CDC42BPA: variants seen among roughly 807,000 people sequenced by gnomAD.
CDC42BPA encodes serine/threonine-protein kinase MRCK alpha.
In CDC42BPA, 80 loss-of-function variants were observed where a neutral mutation model predicts 223.5. The observed-to-expected ratio is 0.36, with a 90% CI of 0.30 to 0.43. The LOEUF is 0.43. CDC42BPA is among the 20% of genes least tolerant of loss of function. The pLI is 1.00. For missense variants in CDC42BPA, 1,743 were observed against 2,099.9 expected, an observed-to-expected ratio of 0.83 and a Z score of 3.32; for synonymous variants, 694 against 718.6, an observed-to-expected ratio of 0.97 and a Z score of 0.55.
At position 227,317,020 on chromosome 1, in the gene CDC42BPA, C is replaced by G; in HGVS notation, c.163G>C (p.Glu55Gln). Residue 55 changes from glutamate to glutamine, a missense_variant, in exon 1 of 37, where the codon GAA (glutamate) becomes CAA (glutamine). Glu to Gln is a conservative substitution (Grantham distance 29). Around this residue, in one of 6 missense-constraint regions of CDC42BPA, gnomAD observed 321 missense variants for 488.7 expected, o/e 0.66. Coordinates refer to ENST00000366766, the MANE Select transcript of CDC42BPA (RefSeq NM_001394014.1). ...ACAAACTTACCCCATTCTAGGTATTCGAGAATGTTCTTCTCTCTTCTCAAT... is the reference window on the plus strand; with the variant it reads ...ACAAACTTACCCCATTCTAGGTATTGGAGAATGTTCTTCTCTCTTCTCAAT... ...SPLRREKNIL[E>Q]YLEWAKPFTS... 6.2e-7 allele frequency: 1 copy of G among 1,612,888 alleles called. No homozygotes were observed. The highest frequency in any genetic ancestry group is 8.5e-7 in the Non-Finnish European group (1 of 1,179,102).
intron 21 of CDC42BPA, among the ~76,000 whole-genome samples, chr1:227,052,401 T>G (rs964687039): frequency 6.6e-6 from 1 of 152,224 alleles, no homozygotes; most frequent in African/African-American, 2.4e-5. Context: ...TTTGGTCTTT[T>G]ACTACTCATT....
chr1:227,129,330 T>C, intron 10 of CDC42BPA, 99 bp from the exon 11 acceptor site: 1 of 918,144 alleles, frequency 1.1e-6, no homozygotes, highest in Non-Finnish European at 1.6e-6. Flanking sequence ...TATACAATTT[T>C]ATAGAACAAA....
intron 4 of CDC42BPA, among the ~76,000 whole-genome samples, chr1:227,194,230 G>A (rs545930790): frequency 1.3e-4 from 20 of 152,136 alleles, no homozygotes; most frequent in Non-Finnish European, 2.1e-4. Context: ...CTACAACAAT[G>A]GAACACAGCT....
intron 16 of CDC42BPA, among the ~76,000 whole-genome samples, chr1:227,083,839 A>G (rs1329134927): frequency 6.6e-6 from 1 of 152,202 alleles, no homozygotes; most frequent in Non-Finnish European, 1.5e-5. Context: ...AATGGGTTCA[A>G]CTGAAAGTTT....
At chr1:227,043,254 A>C (rs1445940741) in intron 23 of CDC42BPA, among the ~76,000 whole-genome samples, 1 of 152,088 alleles carries the variant, frequency 6.6e-6, no homozygotes, top group African/African-American at 2.4e-5. Flanking sequence ...CTCTATTAAA[A>C]ATACAAAAAT....
At chr1:227,168,497 G>GTGGTTTTTTTTT (rs1302291274) in intron 5 of CDC42BPA, among the ~76,000 whole-genome samples, 1 of 80,196 alleles carries the variant, frequency 1.2e-5, no homozygotes, top group Non-Finnish European at 2.4e-5. Context: ...CTTCCCTGGT[G>GTGGTTTTTTTTT]TTTTTTTTTT....
intron 23 of CDC42BPA, among the ~76,000 whole-genome samples, chr1:227,047,148 T>A (rs1672613375): frequency 6.6e-6 from 1 of 152,136 alleles, no homozygotes; most frequent in South Asian, 2.1e-4. Flanking sequence ...ATTAAAGTCA[T>A]CTATTTAGTT....
chr1:227,252,758 C>T (rs1682245767), intron 2 of CDC42BPA, among the ~76,000 whole-genome samples: 1 of 108,456 alleles, frequency 9.2e-6, no homozygotes, highest in Non-Finnish European at 2.0e-5. Flanking sequence ...CAGCATAATT[C>T]AACACATTAA....
chr1:227,256,799 T>C (rs1683106409), intron 1 of CDC42BPA, among the ~76,000 whole-genome samples: 1 of 152,096 alleles, frequency 6.6e-6, no homozygotes, highest in Non-Finnish European at 1.5e-5. Flanking sequence ...TCCATTCCTA[T>C]GTACCCAAGA....
intron 2 of CDC42BPA, among the ~76,000 whole-genome samples, chr1:227,242,588 A>C (rs1680207241): frequency 1.3e-5 from 2 of 152,144 alleles, no homozygotes; most frequent in Admixed American, 1.3e-4. Flanking sequence ...AGCCAATTGT[A>C]TTTCTACCAC....
chr1:227,016,245 T>G, intron 33 of CDC42BPA, 48 bp from the exon 34 acceptor site: 1 of 964,186 alleles, frequency 1.0e-6, no homozygotes, highest in Non-Finnish European at 1.7e-6. Flanking sequence ...AGTTAATTTA[T>G]GTAGCTTATG....
At chr1:226,999,534 AGTGTG>A (rs1200201918) in intron 35 of CDC42BPA, among the ~76,000 whole-genome samples, 2 of 152,218 alleles carry the variant, frequency 1.3e-5, no homozygotes, top group African/African-American at 4.8e-5. Context: ...TGTGGAAGAC[AGTGTG>A]GCGATTCCTC....
At chr1:227,173,866 A>G (rs1666512395) in intron 5 of CDC42BPA, among the ~76,000 whole-genome samples, 1 of 152,138 alleles carries the variant, frequency 6.6e-6, no homozygotes, top group African/African-American at 2.4e-5. Context: ...AATTATCAAA[A>G]CTAAGAGGTG....
At chr1:227,121,113 G>A (rs11586575) in intron 11 of CDC42BPA, among the ~76,000 whole-genome samples, 21,345 of 152,098 alleles carry the variant, frequency 0.14, 1,881 homozygotes, top group South Asian at 0.34. Context: ...CCAGTTTGTC[G>A]CCCGAGAATT....
rs1010294112 is a variant in CDC42BPA, at chr1:226,994,697, G to A, written c.5133+126C>T. 16 of 1,011,796 alleles carry A rather than the reference G, an allele frequency of 1.6e-5. No homozygotes were observed. The highest frequency in any genetic ancestry group is 9.4e-5 in the Admixed American group (4 of 42,534). The allele number at this position is 1,011,796 out of a possible 1,614,324, so 62.7% of individuals were successfully genotyped here. On this transcript the variant is annotated intron_variant, in intron 36 of 36. Transcript: ENST00000366766. This position sits in a 1 kb window ranked among gnomAD's most constrained non-coding sequence, Gnocchi z 4.0. ...ACTGGCCTAGCTGCCCGCTGGCCAA[G>A]AGTGAATGCTGGCCCCTGACCCCGA...
At chr1:227,106,062 T>C (rs1031993636) in intron 14 of CDC42BPA, among the ~76,000 whole-genome samples, 3 of 152,216 alleles carry the variant, frequency 2.0e-5, no homozygotes, top group Non-Finnish European at 2.9e-5. Flanking sequence ...TTTAGCAACA[T>C]ATAAGGGTTC....
At chr1:227,315,578 TA>T (rs10635986) in intron 1 of CDC42BPA, among the ~76,000 whole-genome samples, 11 of 148,512 alleles carry the variant, frequency 7.4e-5, no homozygotes, top group South Asian at 2.1e-4. Flanking sequence ...CTTTAAGTCT[TA>T]AAAAAAAAAA....
intron 16 of CDC42BPA, among the ~76,000 whole-genome samples, chr1:227,083,732 T>C (rs1440977425): frequency 6.6e-6 from 1 of 152,108 alleles, no homozygotes; most frequent in Non-Finnish European, 1.5e-5. Context: ...GCAATCAGAG[T>C]AAAGATAGAT....
In CDC42BPA at chr1:227,277,495, T is replaced by C. The variant is rs182014194; in HGVS notation, c.179-23340A>G. Among the ~76,000 whole-genome samples, 7 of 152,296 alleles carry C rather than the reference T, an allele frequency of 4.6e-5. No homozygotes were observed. In the East Asian group the frequency reaches 1.2e-3, roughly 25 times the overall value. ...TCTCTGGCAAACATAATCCAAAAAATATCCTAATCAAAGCATTAGTAAATC... is the reference window on the plus strand; with the variant it reads ...TCTCTGGCAAACATAATCCAAAAAACATCCTAATCAAAGCATTAGTAAATC... On this transcript the variant is annotated intron_variant, in intron 1 of 36. Transcript: ENST00000366766.
Sources: gnomAD v4.1 joint callset for allele counts (sites outside exome capture counted in the v4.1 genomes callset) on GRCh38, gnomAD v4.1.1 for gene constraint, gnomAD v4.1.1 regional missense constraint, Gnocchi (gnomAD v3.1) non-coding constraint, MANE v1.5 for transcripts, NCBI Gene and HGNC (gene_info 2026-07-23, HGNC 2026-07-21) for gene names.